The following LARGE1 variants were observed in gnomAD, a reference collection of about 807,000 sequenced individuals.
The protein encoded by LARGE1 is xylosyl- and glucuronyltransferase LARGE1.
A neutral mutation model predicts 87.6 loss-of-function variants in LARGE1; 43 were observed. That is an observed-to-expected ratio of 0.49 (90% CI 0.38 to 0.63). The LOEUF (loss-of-function observed/expected upper bound fraction) is 0.63, where lower values mean the gene tolerates loss of function less well. Ranked by LOEUF, LARGE1 falls within the 30% of genes least tolerant of loss-of-function variation. The pLI is 0.00. For synonymous variants in LARGE1, 434 were observed against 394.6 expected (o/e 1.10, Z -1.18); for missense variants, 802 against 1,000.2 (o/e 0.80, Z 2.67).
At chr22:33,300,233 C>A (rs1266908610) in intron 12 of LARGE1, among the ~76,000 whole-genome samples, 1 of 152,136 alleles carries the variant, frequency 6.6e-6, no homozygotes, top group Non-Finnish European at 1.5e-5. Flanking sequence ...TTCTCTGGGG[C>A]CTCAGTTTGG....
chr22:33,141,567 A>G, the LARGE1 span, among the ~76,000 whole-genome samples: 12 of 152,178 alleles, frequency 7.9e-5, no homozygotes, highest in Admixed American at 7.9e-4. Flanking sequence ...ATGTATGGAT[A>G]TAATTTTCTC....
intron 6 of LARGE1, among the ~76,000 whole-genome samples, chr22:33,487,751 C>T (rs1198990782): frequency 6.6e-6 from 1 of 152,130 alleles, no homozygotes. Flanking sequence ...AAAGCACACA[C>T]CGACATGGGC....
intron 6 of LARGE1, among the ~76,000 whole-genome samples, chr22:33,474,971 T>C (rs776541578): frequency 6.6e-6 from 1 of 152,144 alleles, no homozygotes; most frequent in African/African-American, 2.4e-5. Flanking sequence ...CTGACAGTAA[T>C]ATCAGAAGAT....
At position 33,611,321 on chromosome 22, in the gene LARGE1, G is replaced by A. The variant is rs561165697; in HGVS notation, c.492-6763C>T. On this transcript the variant is annotated intron_variant, in intron 4 of 14. Transcript: ENST00000397394. ...AGCTGCAGGGGCTGTACACTGCAAA[G>A]CCACAGGAGTGTTCCTGCCCAAGGC... is the stretch of plus-strand genomic sequence containing the variant. Among the ~76,000 whole-genome samples, 9 of 152,368 alleles carry A rather than the reference G, an allele frequency of 5.9e-5. No homozygotes were observed. The South Asian group carries it at 1.4e-3, about 25-fold the overall frequency.
chr22:33,348,030 C>A (rs1939952564), intron 9 of LARGE1, among the ~76,000 whole-genome samples: 1 of 152,256 alleles, frequency 6.6e-6, no homozygotes, highest in Admixed American at 6.5e-5. Flanking sequence ...CAGATTGTCA[C>A]ACAACCTGAG....
chr22:33,142,015 T>C, the LARGE1 span, among the ~76,000 whole-genome samples: 1 of 150,112 alleles, frequency 6.7e-6, no homozygotes, highest in African/African-American at 2.4e-5. Context: ...CAGCTCAAAA[T>C]TACTGCTTAC....
chr22:33,897,126 C>G (rs2065166250), intron 1 of LARGE1, among the ~76,000 whole-genome samples: 1 of 152,158 alleles, frequency 6.6e-6, no homozygotes, highest in South Asian at 2.1e-4. Flanking sequence ...GAGCTTCTAC[C>G]TCCCTTCCTT....
the LARGE1 span, among the ~76,000 whole-genome samples, chr22:33,069,787 C>A: frequency 4.0e-5 from 6 of 150,536 alleles, no homozygotes; most frequent in Admixed American, 1.3e-4. Flanking sequence ...TGTCTCTCTG[C>A]TTCATGCAAC....
chr22:33,318,811 A>T (rs1413196206), intron 10 of LARGE1, among the ~76,000 whole-genome samples: 1 of 152,054 alleles, frequency 6.6e-6, no homozygotes, highest in Non-Finnish European at 1.5e-5. Context: ...TTTTCTGTTA[A>T]ATCAGCCTTG....
At chr22:33,290,570 G>A (rs925491935) in intron 12 of LARGE1, among the ~76,000 whole-genome samples, 1 of 152,174 alleles carries the variant, frequency 6.6e-6, no homozygotes, top group South Asian at 2.1e-4. Flanking sequence ...AAAATAAAAC[G>A]TGTGCCATGG....
chr22:33,579,573 T>A (rs2078453275), intron 5 of LARGE1, among the ~76,000 whole-genome samples: 1 of 152,170 alleles, frequency 6.6e-6, no homozygotes, highest in Non-Finnish European at 1.5e-5. Flanking sequence ...AAAGACCTGC[T>A]GCAGCCCCAG....
At chr22:33,209,194 G>A (rs368237154) in intron 11 of LARGE1, among the ~76,000 whole-genome samples, 2 of 152,186 alleles carry the variant, frequency 1.3e-5, no homozygotes, top group Non-Finnish European at 2.9e-5. Flanking sequence ...TGCTGTGAAC[G>A]AAACAAGTCA....
chr22:33,249,025 G>A (rs1239886564), intron 11 of LARGE1, among the ~76,000 whole-genome samples: 1 of 152,164 alleles, frequency 6.6e-6, no homozygotes, highest in Non-Finnish European at 1.5e-5. Context: ...ACATCCACAT[G>A]TAGGTTTTCG....
intron 6 of LARGE1, among the ~76,000 whole-genome samples, chr22:33,461,836 CAT>C (rs1326802953): frequency 1.3e-5 from 2 of 152,082 alleles, no homozygotes; most frequent in Admixed American, 6.6e-5. Flanking sequence ...GAGAGGCCCA[CAT>C]AGAGGAAAAA....
chr22:33,383,006 C>T (rs1022192199), intron 8 of LARGE1, among the ~76,000 whole-genome samples: 8 of 152,036 alleles, frequency 5.3e-5, no homozygotes, highest in African/African-American at 9.7e-5. Flanking sequence ...TTGTTTCCTC[C>T]GTATTATGAA....
the LARGE1 span, among the ~76,000 whole-genome samples, chr22:33,120,366 C>CTTTCTTTCTTTCTT: frequency 1.4e-5 from 2 of 139,894 alleles, no homozygotes; most frequent in African/African-American, 5.2e-5. Context: ...CTTTTTCTTT[C>CTTTCTTTCTTTCTT]TTTCTTTCTT....
chr22:33,442,949 A>G (rs1486376673), intron 6 of LARGE1, among the ~76,000 whole-genome samples: 1 of 151,890 alleles, frequency 6.6e-6, no homozygotes, highest in East Asian at 1.9e-4. Flanking sequence ...CCCGCACCAC[A>G]TCCGGCTAAT....
At chr22:33,187,029 T>C (rs1416819197) in intron 11 of LARGE1, among the ~76,000 whole-genome samples, 5 of 152,208 alleles carry the variant, frequency 3.3e-5, no homozygotes, top group African/African-American at 1.2e-4. Flanking sequence ...AATTGATTTT[T>C]GAAAGGCACC....
the LARGE1 span, among the ~76,000 whole-genome samples, chr22:33,151,844 T>C: frequency 6.6e-6 from 1 of 152,318 alleles, no homozygotes; most frequent in South Asian, 2.1e-4. Flanking sequence ...TATTGTATTA[T>C]GGATATTTGC....
Sources: allele counts gnomAD v4.1 joint callset (sites outside exome capture counted in the v4.1 genomes callset), GRCh38; gene constraint gnomAD v4.1.1; transcripts MANE v1.5; gene names NCBI Gene and HGNC (gene_info 2026-07-23, HGNC 2026-07-21).